RGMB: variants seen among roughly 807,000 people sequenced by gnomAD.
RGMB encodes the protein repulsive guidance molecule BMP co-receptor b.
RGMB carries 16 observed loss-of-function variants against 26.9 expected under a neutral mutation model. That is an observed-to-expected ratio of 0.60 (90% CI 0.40 to 0.90). RGMB has a LOEUF of 0.90. Among genes scored for constraint, RGMB ranks in the 40% least tolerant of loss-of-function variants. The pLI, the probability that RGMB is intolerant of heterozygous loss-of-function variation, is 0.00. For synonymous variants in RGMB, 225 were observed against 229.3 expected (o/e 0.98, Z 0.17); for missense variants, 512 against 573.3 (o/e 0.89, Z 1.09).
At position 98,796,210 on chromosome 5, in the gene RGMB, A is replaced by G. The variant is rs1180748568; in HGVS notation, c.*2457A>G. 1.3e-5 allele frequency: 2 copies of G among 152,180 alleles called. No homozygotes were observed. The highest frequency in any genetic ancestry group is 2.9e-5 in the Non-Finnish European group (2 of 68,030). 9.4% of individuals were successfully genotyped at this position (152,180 alleles called of 1,614,324 possible). On this transcript the variant is annotated 3_prime_UTR_variant, in exon 3 of 3. Transcript: ENST00000513185. ...GGTCATACCAACATGTGGATAGGCT[A>G]TAGCTGTTCAGAGGTCTCCTGGGGG... is the stretch of plus-strand genomic sequence containing the variant.
At chr5:98,772,407 CAT>C (rs773240878), upstream of RGMB, among the ~76,000 whole-genome samples, 7 of 152,170 alleles carry the variant, frequency 4.6e-5, no homozygotes, top group South Asian at 4.1e-4. Context: ...CTCATTTAAA[CAT>C]GTGTGGAATA....
chr5:98,780,649 G>C (rs541939519), intron 2 of RGMB: 1 of 152,646 alleles, frequency 6.6e-6, no homozygotes, highest in Admixed American at 6.5e-5. Flanking sequence ...GGATATTGCA[G>C]AGCAGCAATA....
At chr5:98,773,548 A>C, upstream of RGMB, 1 of 180,960 alleles carries the variant, frequency 5.5e-6, no homozygotes, top group African/African-American at 2.3e-5. Flanking sequence ...GGTCACAACC[A>C]ATGGGGAGGA....
chr5:98,783,433 G>A (rs1746669399), intron 2 of RGMB, among the ~76,000 whole-genome samples: 1 of 152,198 alleles, frequency 6.6e-6, no homozygotes. Flanking sequence ...TGAGAAGAAA[G>A]GCAGGTTTTG....
intron 2 of RGMB, among the ~76,000 whole-genome samples, chr5:98,790,410 A>G (rs1055012745): frequency 6.6e-6 from 1 of 152,246 alleles, no homozygotes; most frequent in African/African-American, 2.4e-5. Context: ...GGAAAGACAA[A>G]TCTTTTAGGT....
At position 98,795,052 on chromosome 5, in the gene RGMB, T is replaced by C. The variant is rs959123564; in HGVS notation, c.*1299T>C. On this transcript the variant is annotated 3_prime_UTR_variant, in exon 3 of 3. Transcript: ENST00000513185. ...CTGTAGTTGAATATGATTTGGTCAGTTGCTCGTTGTAACTTGGAGAAATTC... is the reference window on the plus strand; with the variant it reads ...CTGTAGTTGAATATGATTTGGTCAGCTGCTCGTTGTAACTTGGAGAAATTC... The C allele has an allele frequency of 3.3e-5, 5 of 152,372 alleles. No homozygotes were observed. The highest frequency in any genetic ancestry group is 3.3e-4 in the Admixed American group (5 of 15,306). 9.4% of individuals were successfully genotyped at this position (152,372 alleles called of 1,614,324 possible). A position where few individuals can be genotyped will look rare whatever the true frequency, so the allele number is the denominator to read the frequency against.
chr5:98,786,946 A>G (rs1394578022), intron 2 of RGMB, among the ~76,000 whole-genome samples: 2 of 152,188 alleles, frequency 1.3e-5, no homozygotes, highest in African/African-American at 4.8e-5. Flanking sequence ...GTTGGGACAC[A>G]GCATGTATAC....
At chr5:98,777,183 A>G (rs1253617630) in intron 1 of RGMB, among the ~76,000 whole-genome samples, 3 of 152,072 alleles carry the variant, frequency 2.0e-5, no homozygotes, top group African/African-American at 7.2e-5. Flanking sequence ...TTCCTTCTGA[A>G]TGGTTCCATC....
At chr5:98,780,782 T>G (rs937777610) in intron 2 of RGMB, 1 of 152,278 alleles carries the variant, frequency 6.6e-6, no homozygotes, top group Non-Finnish European at 1.5e-5. Flanking sequence ...GTTCGTTTGT[T>G]TTAAAGAAAC....
chr5:98,791,220 G>C (rs1746919402), intron 2 of RGMB, among the ~76,000 whole-genome samples: 1 of 152,172 alleles, frequency 6.6e-6, no homozygotes, highest in Admixed American at 6.5e-5. Context: ...TAATTAGGAA[G>C]GGAGAAAACC....
At chr5:98,778,568 A>G (rs559068997) in intron 1 of RGMB, among the ~76,000 whole-genome samples, 2 of 152,330 alleles carry the variant, frequency 1.3e-5, no homozygotes, top group East Asian at 1.9e-4. Flanking sequence ...GCAGTTGATG[A>G]CAAAGAACAG....
chr5:98,792,258 A>G (rs1438638724), intron 2 of RGMB, among the ~76,000 whole-genome samples: 1 of 152,106 alleles, frequency 6.6e-6, no homozygotes, highest in Non-Finnish European at 1.5e-5. Flanking sequence ...GAGTCATGGG[A>G]TACAGTTTTT....
chr5:98,793,039 G>T (rs778846737), intron 2 of RGMB, 46 bp from the exon 3 acceptor site: 6 of 1,484,542 alleles, frequency 4.0e-6, no homozygotes, highest in Non-Finnish European at 5.5e-6. Context: ...ACCCCGTTCT[G>T]CTTCCTTCCC....
At chr5:98,775,675 C>G (rs1166338106) in intron 1 of RGMB, among the ~76,000 whole-genome samples, 2 of 152,112 alleles carry the variant, frequency 1.3e-5, no homozygotes, top group Non-Finnish European at 2.9e-5. Flanking sequence ...CTGAAGGTTT[C>G]TTTGCTAGCC....
chr5:98,793,083 A>G lies in RGMB; in HGVS notation c.646-2A>G. On this transcript the variant is annotated splice_acceptor_variant, in intron 2 of 2. Coordinates refer to ENST00000513185, the MANE Select transcript of RGMB (RefSeq NM_001366508.1). LOFTEE classifies it high-confidence loss of function. ...AAACCTTGTACATGCTCCTTCCCACAGATCACTATTATCTTCAAAGCCCAC... is the reference window on the plus strand; with the variant it reads ...AAACCTTGTACATGCTCCTTCCCACGGATCACTATTATCTTCAAAGCCCAC... The G allele has an allele frequency of 6.3e-7, 1 of 1,591,554 alleles. No individual in the cohort carries two copies. Among genetic ancestry groups the G allele is most frequent in the South Asian group, 1.1e-5 (1 of 88,710 alleles).
At position 98,773,807 on chromosome 5, in the gene RGMB, C is replaced by G. The variant is rs1746269161; in HGVS notation, c.-264C>G. 2.2e-6 allele frequency: 1 copy of G among 452,676 alleles called. No individual in the cohort carries two copies. Among genetic ancestry groups the G allele is most frequent in the African/African-American group, 2.1e-5 (1 of 48,298 alleles). 28.0% of individuals were successfully genotyped at this position (452,676 alleles called of 1,614,324 possible). A position where few individuals can be genotyped will look rare whatever the true frequency, so the allele number is the denominator to read the frequency against. ...CAGCAGTCGCTCACGGTCTTTGTGT[C>G]TTCTCTTCCGCCCCTTTCCCTGCCT... On this transcript the variant is annotated 5_prime_UTR_variant, in exon 1 of 3. Transcript: ENST00000513185.
chr5:98,781,841 T>C (rs187324482), intron 2 of RGMB, among the ~76,000 whole-genome samples: 6 of 152,356 alleles, frequency 3.9e-5, no homozygotes, highest in Admixed American at 2.6e-4. Flanking sequence ...GATAACCTTA[T>C]GAATATTGCT....
intron 2 of RGMB, among the ~76,000 whole-genome samples, chr5:98,781,425 C>G (rs1477724718): frequency 6.6e-6 from 1 of 152,120 alleles, no homozygotes; most frequent in Non-Finnish European, 1.5e-5. Flanking sequence ...TTTGTATGTA[C>G]TCAAATCATT....
intron 2 of RGMB, among the ~76,000 whole-genome samples, chr5:98,784,199 C>G (rs1485982534): frequency 6.6e-6 from 1 of 152,206 alleles, no homozygotes; most frequent in Non-Finnish European, 1.5e-5. Context: ...GTTTTTGGTG[C>G]TGCCAACGGC....
Sources: allele counts gnomAD v4.1 joint callset (sites outside exome capture counted in the v4.1 genomes callset), GRCh38; gene constraint gnomAD v4.1.1; transcripts MANE v1.5; gene names NCBI Gene and HGNC (gene_info 2026-07-23, HGNC 2026-07-21).